Variants in DNAJC27 observed in about 807,000 individuals in gnomAD.
The protein encoded by DNAJC27 is dnaJ homolog subfamily C member 27.
Under a neutral mutation model 31.4 loss-of-function variants are expected in DNAJC27, and 25 were observed. That is an observed-to-expected ratio of 0.80 (90% CI 0.58 to 1.11). The LOEUF (loss-of-function observed/expected upper bound fraction) is 1.11. Among genes scored for constraint, DNAJC27 ranks in the 50% most tolerant of loss-of-function variants. The pLI is 0.00. For synonymous variants in DNAJC27, 106 were observed against 112.7 expected, an observed-to-expected ratio of 0.94 and a Z score of 0.37; for missense variants, 356 against 347.3, an observed-to-expected ratio of 1.02 and a Z score of -0.20.
In DNAJC27 at chr2:24,957,847, T is replaced by A; in HGVS notation, c.368A>T (p.Asn123Ile). ...AACTACAAATATAATATTTTCCATG[T>A]TTCCATGAGGTCCAAGCTCTTGCTT... The part of the protein sequence containing the change: ...EMKQELGPHG[N>I]MENIIFVVCA... Residue 123 changes from asparagine (N) to isoleucine (I), a missense_variant, in exon 4 of 7, where the codon AAC (asparagine) becomes ATC (isoleucine). Physicochemically the swap from Asn to Ile is moderately radical, Grantham distance 149. Transcript: ENST00000264711. 6.2e-7 allele frequency: 1 copy of A among 1,614,208 alleles called. No individual in the cohort carries two copies. The highest frequency in any genetic ancestry group is 8.5e-7 in the Non-Finnish European group (1 of 1,180,018).
chr2:24,964,577 C>T (rs1361832203), intron 2 of DNAJC27, among the ~76,000 whole-genome samples: 1 of 152,176 alleles, frequency 6.6e-6, no homozygotes, highest in Non-Finnish European at 1.5e-5. Context: ...ATCTCTGAGG[C>T]CCAGCTGCAT....
Position 24,947,680 on chromosome 2 carries a change from C to A in DNAJC27, c.758G>T (p.Gly253Val). The change falls in exon 7 of 7, where the codon GGC becomes GTC. Residue 253 changes from glycine (G) to valine (V), a missense_variant. Gly to Val is a moderately radical substitution (Grantham distance 109). Coordinates refer to ENST00000264711, the MANE Select transcript of DNAJC27 (RefSeq NM_016544.3). ...LLHPDKCVAP[G>V]SEDAFKAVVN... ...AACTGCTTTGAAGGCATCTTCACTGCCAGGTGCTACACATTTGTCAGGGTG... is the reference window on the plus strand; with the variant it reads ...AACTGCTTTGAAGGCATCTTCACTGACAGGTGCTACACATTTGTCAGGGTG... 6.2e-7 allele frequency: 1 copy of A among 1,613,486 alleles called. No individual in the cohort carries two copies. The highest frequency in any genetic ancestry group is 8.5e-7 in the Non-Finnish European group (1 of 1,179,452).
At chr2:24,958,109 C>G (rs1665952200) in intron 3 of DNAJC27, 135 bp from the exon 4 acceptor site, 10 of 755,680 alleles carry the variant, frequency 1.3e-5, no homozygotes, top group Middle Eastern at 3.0e-4. Context: ...TTCTACTGGT[C>G]ATTAGAGGGT....
intron 1 of DNAJC27, among the ~76,000 whole-genome samples, chr2:24,970,507 C>A (rs1666303381): frequency 6.7e-6 from 1 of 149,410 alleles, no homozygotes. Context: ...CTCTGCCGCC[C>A]AGGCTGGAGT....
chr2:24,961,218 G>C (rs964495038), intron 3 of DNAJC27, among the ~76,000 whole-genome samples: 1 of 152,138 alleles, frequency 6.6e-6, no homozygotes, highest in Non-Finnish European at 1.5e-5. Context: ...GAACAGCAAG[G>C]TCTGGATGAC....
chr2:24,955,528 A>C (rs1008479051), intron 5 of DNAJC27, among the ~76,000 whole-genome samples: 1 of 152,070 alleles, frequency 6.6e-6, no homozygotes, highest in African/African-American at 2.4e-5. Context: ...AAAACAGAAA[A>C]CTCCCCAAAT....
chr2:24,969,215 GTCTC>G (rs1174426226), intron 1 of DNAJC27: 3 of 209,716 alleles, frequency 1.4e-5, no homozygotes, highest in Admixed American at 9.0e-5. Flanking sequence ...CACCATGTGA[GTCTC>G]TCAAGAACCA....
In DNAJC27 at chr2:24,947,566, G is replaced by C; in HGVS notation, c.*50C>G. ...TCCACGTTGGTTATTTCACCTCTAG[G>C]GAAAGTCTGTTTGCATTTGAGTCCC... On this transcript the variant is annotated 3_prime_UTR_variant, in exon 7 of 7. Coordinates refer to ENST00000264711, the MANE Select transcript of DNAJC27 (RefSeq NM_016544.3). 1 of 1,555,614 alleles carries C rather than the reference G, an allele frequency of 6.4e-7. No individual in the cohort carries two copies. The highest frequency in any genetic ancestry group is 8.8e-7 in the Non-Finnish European group (1 of 1,140,996).
At position 24,963,388 on chromosome 2, in the gene DNAJC27, CA is replaced by C; in HGVS notation, c.240+16del. 1.2e-6 allele frequency: 2 copies of C among 1,608,560 alleles called. No individual in the cohort carries two copies. The highest frequency in any genetic ancestry group is 1.1e-5 in the South Asian group (1 of 90,664). Reference sequence around the variant, plus strand: ...CAACAATACTGGATATAGGTTTTGTCAAAAAGGCTTTCTTACCTCATAGAAG... The same window carrying C: ...CAACAATACTGGATATAGGTTTTGTCAAAAGGCTTTCTTACCTCATAGAAG... On this transcript the variant is annotated intron_variant, in intron 3 of 6. Transcript: ENST00000264711.
intron 5 of DNAJC27, among the ~76,000 whole-genome samples, chr2:24,951,853 A>G (rs562960562): frequency 1.6e-4 from 25 of 152,326 alleles, no homozygotes; most frequent in Non-Finnish European, 2.9e-4. Context: ...TCACACCTGT[A>G]ATCCCAGCAT....
At chr2:24,959,295 C>A (rs529079249) in intron 3 of DNAJC27, among the ~76,000 whole-genome samples, 56 of 152,298 alleles carry the variant, frequency 3.7e-4, no homozygotes, top group African/African-American at 1.3e-3. Context: ...CAAAATCCCC[C>A]AAATCCTGTC....
rs1665768459 is a variant in DNAJC27, at chr2:24,951,308, G to A, written c.689+86C>T. 4.6e-6 allele frequency: 6 copies of A among 1,312,054 alleles called. No homozygotes were observed. In the South Asian group the frequency reaches 5.0e-5, roughly 11 times the overall value. 81.3% of individuals were successfully genotyped at this position (1,312,054 alleles called of 1,614,324 possible). A position where few individuals can be genotyped will look rare whatever the true frequency, so the allele number is the denominator to read the frequency against. On this transcript the variant is annotated intron_variant, in intron 6 of 6. Coordinates refer to ENST00000264711, the MANE Select transcript of DNAJC27 (RefSeq NM_016544.3). The stretch of plus-strand genomic sequence containing the variant: ...TACATCTTCGTATTTCCAGCCAACT[G>A]GAGGAAGATATACTGCACCTATAAT...
At chr2:24,964,193 G>A (rs1666119856) in intron 2 of DNAJC27, among the ~76,000 whole-genome samples, 1 of 151,916 alleles carries the variant, frequency 6.6e-6, no homozygotes. Context: ...GGCCGAGATG[G>A]GCGGATCATG....
rs1665661070 is a variant in DNAJC27 at position 24,946,750 on chromosome 2, T to G, written c.*866A>C. The stretch of plus-strand genomic sequence containing the variant: ...GACTTGAGCTCCTGGGCTTAAGCAA[T>G]CCTCCTGTCTCAGCCTCCTGAGTAG... On this transcript the variant is annotated 3_prime_UTR_variant, in exon 7 of 7. Transcript: ENST00000264711. 6.6e-6 allele frequency: 1 copy of G among 152,020 alleles called. No homozygotes were observed. The highest frequency in any genetic ancestry group is 2.4e-5 in the African/African-American group (1 of 41,352). 9.4% of individuals were successfully genotyped at this position (152,020 alleles called of 1,614,324 possible).
At chr2:24,964,538 A>T (rs1666130515) in intron 2 of DNAJC27, among the ~76,000 whole-genome samples, 2 of 152,188 alleles carry the variant, frequency 1.3e-5, no homozygotes, top group South Asian at 4.1e-4. Context: ...TAGTGAAATG[A>T]CCTATCTATA....
intron 6 of DNAJC27, among the ~76,000 whole-genome samples, chr2:24,950,720 G>A (rs1665751178): frequency 6.6e-6 from 1 of 152,152 alleles, no homozygotes; most frequent in Non-Finnish European, 1.5e-5. Context: ...GGTGGCGTGT[G>A]CCTGTAATCC....
rs1244589648 is a variant in DNAJC27 at position 24,944,677 on chromosome 2, G to A, written c.*2939C>T. ...AAATTAACAGGCTAAGAAAACTAAG[G>A]ACACATTGATATAGAGAAATAAAAT... On this transcript the variant is annotated 3_prime_UTR_variant, in exon 7 of 7. Transcript: ENST00000264711. The A allele has an allele frequency of 6.6e-6, 1 of 152,454 alleles. No homozygotes were observed. Among genetic ancestry groups the A allele is most frequent in the African/African-American group, 2.4e-5 (1 of 41,368 alleles). 9.4% of individuals were successfully genotyped at this position (152,454 alleles called of 1,614,324 possible). A position where few individuals can be genotyped will look rare whatever the true frequency, so the allele number is the denominator to read the frequency against.
chr2:24,952,850 T>G (rs2149122468), intron 5 of DNAJC27, among the ~76,000 whole-genome samples: 1 of 152,294 alleles, frequency 6.6e-6, no homozygotes, highest in East Asian at 1.9e-4. Context: ...GAAGTGAAAG[T>G]GGGTATCTTT....
chr2:24,963,467 C>T lies in DNAJC27; in HGVS notation c.178G>A (p.Val60Ile), dbSNP rs766511358. The change falls in exon 3 of 7, where the codon GTC becomes ATC. Residue 60 changes from valine (V) to isoleucine (I), a missense_variant. Val to Ile is a conservative substitution (Grantham distance 29). Transcript: ENST00000264711. ...TTAACTTTGATTTCTCTGTCTCTGA[C>T]GTGTACCCTGAAATGTTCAAATGGA... ...GIDYGVTKVH[V>I]RDREIKVNIF... 22 of 1,612,922 alleles carry T rather than the reference C, an allele frequency of 1.4e-5. No homozygotes were observed. The East Asian group carries it at 3.1e-4, about 23-fold the overall frequency.
Sources: allele counts gnomAD v4.1 joint callset (sites outside exome capture counted in the v4.1 genomes callset), GRCh38; gene constraint gnomAD v4.1.1; transcripts MANE v1.5; gene names NCBI Gene and HGNC (gene_info 2026-07-23, HGNC 2026-07-21).